SLC25A48: variants seen among roughly 807,000 people sequenced by gnomAD.
SLC25A48 encodes the protein CTC-321K16.1.
SLC25A48 carries 29 observed loss-of-function variants against 32.2 expected under a neutral mutation model. The observed-to-expected ratio is 0.90, with a 90% CI of 0.67 to 1.23. SLC25A48 has a LOEUF of 1.23. SLC25A48 is among the 50% of genes most tolerant of loss of function. The pLI is 0.00. For synonymous variants in SLC25A48, 164 were observed against 172.3 expected (o/e 0.95, Z 0.38); for missense variants, 399 against 422.7 (o/e 0.94, Z 0.49).
chr5:135,882,119 C>T (rs1174454630), intron 7 of SLC25A48, among the ~76,000 whole-genome samples: 1 of 152,220 alleles, frequency 6.6e-6, no homozygotes, highest in Non-Finnish European at 1.5e-5. Flanking sequence ...TTTCTGGAAG[C>T]GCTCTTTCTT....
At chr5:135,836,246 G>A (rs577251615) in intron 1 of SLC25A48, among the ~76,000 whole-genome samples, 7 of 152,110 alleles carry the variant, frequency 4.6e-5, no homozygotes, top group African/African-American at 1.7e-4. Flanking sequence ...AACCCTCCCC[G>A]ACTCACAGCA....
At chr5:135,679,146 C>G (rs1753835828) in intron 3 of SLC25A48, among the ~76,000 whole-genome samples, 1 of 151,954 alleles carries the variant, frequency 6.6e-6, no homozygotes, top group African/African-American at 2.4e-5. Flanking sequence ...CCCAAGTGGT[C>G]CATTTTGGTT....
At chr5:135,704,999 A>G (rs1269611191) in intron 3 of SLC25A48, among the ~76,000 whole-genome samples, 1 of 152,170 alleles carries the variant, frequency 6.6e-6, no homozygotes, top group African/African-American at 2.4e-5. Context: ...CATGGTCAGG[A>G]TGGCTAAATG....
intron 1 of SLC25A48, among the ~76,000 whole-genome samples, chr5:135,589,876 A>G (rs111255156): frequency 0.076 from 11,589 of 152,096 alleles, 446 homozygotes; most frequent in South Asian, 0.15. Flanking sequence ...TTGTATTTTT[A>G]GTAGAAACAG....
chr5:135,791,061 G>A (rs1369275800), intron 3 of SLC25A48, among the ~76,000 whole-genome samples: 1 of 150,742 alleles, frequency 6.6e-6, no homozygotes, highest in African/African-American at 2.4e-5. Flanking sequence ...GATACTCTTT[G>A]TAATATTTTA....
intron 3 of SLC25A48, among the ~76,000 whole-genome samples, chr5:135,785,956 G>T (rs1273102987): frequency 6.6e-6 from 1 of 151,206 alleles, no homozygotes; most frequent in Non-Finnish European, 1.5e-5. Context: ...GAAAGGGGGT[G>T]ATATTACGGC....
chr5:135,626,660 C>T (rs753804809), intron 1 of SLC25A48, among the ~76,000 whole-genome samples: 66 of 152,158 alleles, frequency 4.3e-4, no homozygotes, highest in Non-Finnish European at 8.5e-4. Context: ...TGCTTCTCTT[C>T]AGAATGAATT....
At chr5:135,654,546 T>C (rs1195890024) in intron 3 of SLC25A48, among the ~76,000 whole-genome samples, 1 of 152,206 alleles carries the variant, frequency 6.6e-6, no homozygotes, top group East Asian at 1.9e-4. Flanking sequence ...GTTACAGACC[T>C]ACAGCTCAGG....
At chr5:135,811,407 G>C (rs944108472) in intron 3 of SLC25A48, among the ~76,000 whole-genome samples, 2 of 152,202 alleles carry the variant, frequency 1.3e-5, no homozygotes, top group Admixed American at 6.5e-5. Flanking sequence ...GTGGTTACCA[G>C]AGGCTAGGGG....
intron 3 of SLC25A48, among the ~76,000 whole-genome samples, chr5:135,787,752 G>C (rs934840516): frequency 1.3e-5 from 2 of 151,772 alleles, no homozygotes; most frequent in Admixed American, 1.3e-4. Flanking sequence ...GTCACAGGAG[G>C]TGTACACGCT....
At position 135,752,777 on chromosome 5, in the gene SLC25A48, T is replaced by C. The variant is rs1580842222; in HGVS notation, c.-520-59746T>C. On this transcript the variant is annotated intron_variant, in intron 3 of 10. Coordinates refer to the SLC25A48 transcript ENST00000646290. ...CATATCTCTATGATATTATGAATAA[T>C]GTCACTGGGTGTAAACACATGGTGT... Among the ~76,000 whole-genome samples, 3 of 152,248 alleles carry C rather than the reference T, an allele frequency of 2.0e-5. No individual in the cohort carries two copies. The East Asian group carries it at 5.8e-4, about 29-fold the overall frequency.
intron 3 of SLC25A48, chr5:135,649,970 C>A: frequency 5.8e-6 from 1 of 172,008 alleles, no homozygotes; most frequent in Non-Finnish European, 1.3e-5. Context: ...TGTAGAAAGA[C>A]AGTGAATTAA....
intron 2 of SLC25A48, among the ~76,000 whole-genome samples, chr5:135,843,321 G>C (rs542163359): frequency 6.6e-6 from 1 of 152,254 alleles, no homozygotes; most frequent in East Asian, 1.9e-4. Context: ...ATATAGGAGG[G>C]GGGTAAGGTG....
At chr5:135,646,681 A>ATATATATATATATAT (rs1420073417) in intron 3 of SLC25A48, among the ~76,000 whole-genome samples, 25 of 144,286 alleles carry the variant, frequency 1.7e-4, no homozygotes, top group South Asian at 4.4e-4. Flanking sequence ...ATATATATAC[A>ATATATATATATATAT]ATGGGAAGGA....
chr5:135,813,782 A>G (rs893204210), intron 4 of SLC25A48, among the ~76,000 whole-genome samples: 4 of 152,170 alleles, frequency 2.6e-5, no homozygotes, highest in Admixed American at 2.6e-4. Flanking sequence ...ATGTTGGGAA[A>G]AAGGGGAGAG....
intron 3 of SLC25A48, among the ~76,000 whole-genome samples, chr5:135,749,296 C>A (rs529536679): frequency 4.1e-4 from 62 of 150,358 alleles, no homozygotes; most frequent in Non-Finnish European, 7.5e-4. Flanking sequence ...CAAAAAAAAA[C>A]CCCAAGAAAA....
At chr5:135,582,404 G>A (rs73300425) in intron 1 of SLC25A48, among the ~76,000 whole-genome samples, 3,094 of 152,212 alleles carry the variant, frequency 0.02, 105 homozygotes, top group African/African-American at 0.071. Context: ...CTGGAGGGTG[G>A]TTGGTGCTAG....
At chr5:135,644,779 C>T (rs74649563) in intron 3 of SLC25A48, among the ~76,000 whole-genome samples, 1,739 of 152,268 alleles carry the variant, frequency 0.011, 45 homozygotes, top group African/African-American at 0.039. Flanking sequence ...TGCTCATCCT[C>T]ATGCCCGGGA....
intron 3 of SLC25A48, among the ~76,000 whole-genome samples, chr5:135,713,325 T>G (rs1296255349): frequency 1.3e-5 from 2 of 152,208 alleles, no homozygotes; most frequent in Non-Finnish European, 2.9e-5. Context: ...ATGCTAGTAG[T>G]TTGGTATTTC....
Sources: gnomAD v4.1 joint callset for allele counts (sites outside exome capture counted in the v4.1 genomes callset) on GRCh38, gnomAD v4.1.1 for gene constraint, MANE v1.5 for transcripts, NCBI Gene and HGNC (gene_info 2026-07-23, HGNC 2026-07-21) for gene names.